The following EYA4 variants were observed in gnomAD, a reference collection of about 807,000 sequenced individuals.
EYA4 encodes the protein protein phosphatase EYA4.
A neutral mutation model predicts 87.9 loss-of-function variants in EYA4; 31 were observed. The ratio of observed to expected loss-of-function variants is 0.35; its 90% CI spans 0.27 to 0.48. EYA4 has a LOEUF of 0.48. EYA4 is among the 20% of genes least tolerant of loss of function. The pLI is 0.99. For synonymous variants in EYA4, 263 were observed against 270.6 expected (o/e 0.97, Z 0.28); for missense variants, 678 against 761.4 (o/e 0.89, Z 1.29).
intron 2 of EYA4, among the ~76,000 whole-genome samples, chr6:133,338,173 T>C (rs926587344): frequency 2.6e-5 from 4 of 152,128 alleles, no homozygotes; most frequent in Non-Finnish European, 5.9e-5. Context: ...GCTTAAAAAT[T>C]ACCAAAATAT....
intron 17 of EYA4, among the ~76,000 whole-genome samples, chr6:133,518,282 A>G (rs1323718823): frequency 6.6e-6 from 1 of 152,084 alleles, no homozygotes; most frequent in African/African-American, 2.4e-5. Context: ...CTTTAAGGCA[A>G]CTAAAGGAAT....
intron 3 of EYA4, among the ~76,000 whole-genome samples, chr6:133,398,643 A>G (rs1204084590): frequency 3.9e-5 from 6 of 152,164 alleles, no homozygotes; most frequent in Non-Finnish European, 8.8e-5. Flanking sequence ...TTTCTTTTGC[A>G]TGCATGCTAT....
chr6:133,396,833 C>T lies in EYA4; in HGVS notation c.83+14392C>T, dbSNP rs543868337. 7.9e-5 allele frequency among the ~76,000 whole-genome samples: 12 copies of T among 152,234 alleles called. No individual in the cohort carries two copies. In the East Asian group the frequency reaches 1.2e-3, roughly 15 times the overall value. ...TTCTTTCTGCGCAGGGCTGACAGCA[C>T]ATGACACAACTATCCAACCATGCCT... On this transcript the variant is annotated intron_variant, in intron 3 of 19. Coordinates refer to ENST00000355286, the MANE Select transcript of EYA4 (RefSeq NM_004100.5).
intron 3 of EYA4, among the ~76,000 whole-genome samples, chr6:133,417,311 T>C (rs1017372798): frequency 6.6e-6 from 1 of 152,178 alleles, no homozygotes; most frequent in Non-Finnish European, 1.5e-5. Flanking sequence ...CTGTGAGTTA[T>C]GAGGCACCTA....
At chr6:133,464,007 C>G (rs1794638785) in intron 9 of EYA4, among the ~76,000 whole-genome samples, 3 of 151,154 alleles carry the variant, frequency 2.0e-5, no homozygotes, top group African/African-American at 7.3e-5. Flanking sequence ...TATTCCAGGT[C>G]AGGTCAGTGG....
chr6:133,354,301 G>A (rs1783852809), intron 2 of EYA4, among the ~76,000 whole-genome samples: 1 of 152,024 alleles, frequency 6.6e-6, no homozygotes, highest in African/African-American at 2.4e-5. Flanking sequence ...ACTACCAGGA[G>A]TGAACATACT....
chr6:133,332,032 AC>A (rs1372042754), intron 2 of EYA4, among the ~76,000 whole-genome samples: 1 of 152,176 alleles, frequency 6.6e-6, no homozygotes, highest in Non-Finnish European at 1.5e-5. Flanking sequence ...AAATCAGTGG[AC>A]TTACTTATAA....
chr6:133,389,755 T>C (rs1204655882), intron 3 of EYA4, among the ~76,000 whole-genome samples: 1 of 152,192 alleles, frequency 6.6e-6, no homozygotes, highest in Non-Finnish European at 1.5e-5. Context: ...GACTTCTTGC[T>C]CCCTTTCCTA....
intron 11 of EYA4, among the ~76,000 whole-genome samples, chr6:133,476,650 A>G (rs950566280): frequency 6.6e-6 from 1 of 152,116 alleles, no homozygotes; most frequent in Non-Finnish European, 1.5e-5. Context: ...CCGTTTATCC[A>G]TTGATGAACA....
intron 13 of EYA4, among the ~76,000 whole-genome samples, chr6:133,497,573 C>G (rs1271756052): frequency 6.6e-6 from 1 of 152,116 alleles, no homozygotes; most frequent in Non-Finnish European, 1.5e-5. Flanking sequence ...TGTACAGTGT[C>G]TGTGCTGCAA....
At chr6:133,255,725 A>G (rs899273713) in intron 1 of EYA4, among the ~76,000 whole-genome samples, 1 of 152,014 alleles carries the variant, frequency 6.6e-6, no homozygotes, top group Admixed American at 6.6e-5. Context: ...GATCTGCTGA[A>G]TCTTGAATAT....
chr6:133,448,672 C>A (rs1170852274), intron 5 of EYA4, among the ~76,000 whole-genome samples: 7 of 152,158 alleles, frequency 4.6e-5, no homozygotes, highest in Admixed American at 4.6e-4. Context: ...AATATCCCCT[C>A]ACCTTAAAAA....
At chr6:133,341,394 A>G (rs1038586004) in intron 2 of EYA4, among the ~76,000 whole-genome samples, 2 of 152,222 alleles carry the variant, frequency 1.3e-5, no homozygotes, top group Admixed American at 1.3e-4. Flanking sequence ...TGTTCCAAAC[A>G]CTTTGTAGGT....
At chr6:133,260,550 C>T (rs1775718530) in intron 1 of EYA4, among the ~76,000 whole-genome samples, 1 of 152,144 alleles carries the variant, frequency 6.6e-6, no homozygotes, top group African/African-American at 2.4e-5. Flanking sequence ...TAGTTTATAA[C>T]TTTTGGTGGA....
chr6:133,508,830 C>A (rs530928878), intron 14 of EYA4, among the ~76,000 whole-genome samples: 3 of 152,234 alleles, frequency 2.0e-5, no homozygotes, highest in Non-Finnish European at 4.4e-5. Context: ...AAATACCTGG[C>A]AGGATCTTTG....
chr6:133,299,605 G>A (rs566648469), intron 2 of EYA4, among the ~76,000 whole-genome samples: 4 of 151,570 alleles, frequency 2.6e-5, no homozygotes, highest in South Asian at 4.2e-4. Context: ...CCAGCTACTC[G>A]GGAGGCTGAG....
chr6:133,427,683 G>A (rs1790794029), intron 3 of EYA4, among the ~76,000 whole-genome samples: 1 of 152,058 alleles, frequency 6.6e-6, no homozygotes, highest in African/African-American at 2.4e-5. Flanking sequence ...TTTAAGAGGA[G>A]GGGGACTTCA....
At chr6:133,335,142 T>C (rs1208778853) in intron 2 of EYA4, among the ~76,000 whole-genome samples, 1 of 152,202 alleles carries the variant, frequency 6.6e-6, no homozygotes, top group Non-Finnish European at 1.5e-5. Context: ...GATAGTTTAT[T>C]GATCTGGATC....
chr6:133,295,511 G>T (rs966350311), intron 2 of EYA4, among the ~76,000 whole-genome samples: 1 of 152,148 alleles, frequency 6.6e-6, no homozygotes, highest in African/African-American at 2.4e-5. Context: ...ATTGTTTATC[G>T]AGTACCTACT....
Sources: allele counts gnomAD v4.1 joint callset (sites outside exome capture counted in the v4.1 genomes callset), GRCh38; gene constraint gnomAD v4.1.1; transcripts MANE v1.5; gene names NCBI Gene and HGNC (gene_info 2026-07-23, HGNC 2026-07-21).